TRAF1: variants seen among roughly 807,000 people sequenced by gnomAD.
TRAF1 encodes the protein TNF receptor-associated factor 1.
TRAF1 carries 23 observed loss-of-function variants against 40.9 expected under a neutral mutation model. That is an observed-to-expected ratio of 0.56 (90% CI 0.40 to 0.80). TRAF1 has a LOEUF of 0.80. TRAF1 is among the 30% of genes least tolerant of loss of function. The pLI is 0.00. For missense variants in TRAF1, 477 were observed against 528.7 expected (o/e 0.90, Z 0.96); for synonymous variants, 206 against 218.8 (o/e 0.94, Z 0.52).
At chr9:120,923,896 C>A in intron 2 of TRAF1, 104 bp from the exon 3 acceptor site, 1 of 991,752 alleles carries the variant, frequency 1.0e-6, no homozygotes, top group Non-Finnish European at 1.6e-6. Context: ...GGGTGGTGAT[C>A]ATGTACGTCC....
intron 3 of TRAF1, among the ~76,000 whole-genome samples, chr9:120,916,100 A>G (rs1051616655): frequency 1.3e-5 from 2 of 152,240 alleles, no homozygotes; most frequent in African/African-American, 4.8e-5. Flanking sequence ...TGGTCTATAT[A>G]TACTACAGAA....
At chr9:120,914,324 G>A (rs754634484) in intron 3 of TRAF1, 24 bp from the exon 4 acceptor site, 5 of 1,462,192 alleles carry the variant, frequency 3.4e-6, no homozygotes, top group Non-Finnish European at 4.6e-6. Flanking sequence ...TCACATCACT[G>A]AATGTTATAG....
rs1205693253 is a variant in TRAF1 at position 120,926,557 on chromosome 9, G to C, written c.-234C>G. The C allele has an allele frequency of 6.5e-6, 1 of 152,868 alleles. No individual in the cohort carries two copies. Among genetic ancestry groups the C allele is most frequent in the African/African-American group, 2.4e-5 (1 of 41,458 alleles). 9.5% of individuals were successfully genotyped at this position (152,868 alleles called of 1,614,324 possible). A position where few individuals can be genotyped will look rare whatever the true frequency, so the allele number is the denominator to read the frequency against. ...CTCAGTGGGGGTGCTCACCTTCCTG[G>C]TGGAAATCCCCAGGGTGTTGGAGAC... On this transcript the variant is annotated 5_prime_UTR_variant, in exon 1 of 8. Transcript: ENST00000373887.
intron 3 of TRAF1, among the ~76,000 whole-genome samples, chr9:120,919,781 T>C (rs1414274711): frequency 6.6e-6 from 1 of 152,216 alleles, no homozygotes; most frequent in African/African-American, 2.4e-5. Context: ...TTCCTGTTTT[T>C]CCCATAGCAC....
intron 3 of TRAF1, among the ~76,000 whole-genome samples, chr9:120,920,219 A>G (rs1347255326): frequency 1.3e-5 from 2 of 152,218 alleles, no homozygotes; most frequent in African/African-American, 4.8e-5. Flanking sequence ...CTCCAGGGAT[A>G]GGAGGCTAAG....
chr9:120,909,091 T>A (rs2046505129), intron 7 of TRAF1, 139 bp downstream of exon 7: 2 of 1,093,150 alleles, frequency 1.8e-6, no homozygotes, highest in Non-Finnish European at 2.6e-6. Context: ...TAGATCTGAT[T>A]GTTTTATAAA....
In TRAF1 at chr9:120,909,236, CCGGAAGGGCCA is replaced by C. The variant is rs2046506568; in HGVS notation, c.1015_1025del (p.Trp339GlufsTer14). On this transcript the variant is annotated frameshift_variant, in exon 7 of 8. Transcript: ENST00000373887. LOFTEE classifies it high-confidence loss of function. ...ATCACCTTCACACCCATACCTTGTT[CCGGAAGGGCCA>C]CGGCAGCAGCGCATCATACTCCCCT... The C allele has an allele frequency of 1.2e-6, 2 of 1,613,698 alleles. No homozygotes were observed. Among genetic ancestry groups the C allele is most frequent in the African/African-American group, 2.7e-5 (2 of 74,908 alleles).
Position 120,911,518 on chromosome 9 carries a change from A to G in TRAF1, c.706-5T>C. 1 of 1,606,880 alleles carries G rather than the reference A, an allele frequency of 6.2e-7. No homozygotes were observed. The highest frequency in any genetic ancestry group is 8.5e-7 in the Non-Finnish European group (1 of 1,175,038). On this transcript the variant is annotated splice_region_variant and splice_polypyrimidine_tract_variant and intron_variant, in intron 5 of 7. Coordinates refer to ENST00000373887, the MANE Select transcript of TRAF1 (RefSeq NM_005658.5). ...GGTCTGCTGAAGCTCCACCACCTGT[A>G]GGGAAGACTGTTCAGCCAGGAACAC...
chr9:120,927,319 C>A (rs3761846), upstream of TRAF1: 1 of 152,008 alleles, frequency 6.6e-6, no homozygotes, highest in South Asian at 2.1e-4. Context: ...GGTTTCAGAT[C>A]ATGGGTTTTG....
Position 120,923,758 on chromosome 9 carries a change from C to G in TRAF1, c.175G>C (p.Gly59Arg), listed in dbSNP as rs780464321. Residue 59 changes from glycine (G) to arginine (R), a missense_variant, in exon 3 of 8, where the codon GGG (glycine) becomes CGG (arginine). Transcript: ENST00000373887. ...GEDQICPKCR[G>R]EDLQSISPGS... is the part of the protein sequence containing the mutation. ...GGGCTTATAGACTGGAGGTCTTCCC[C>G]TCTGCATTTGGGGCAGATCTGATCC... 3.3e-5 allele frequency: 53 copies of G among 1,614,164 alleles called. No homozygotes were observed. Among genetic ancestry groups the G allele is most frequent in the Non-Finnish European group, 3.6e-5 (42 of 1,180,030 alleles).
intron 3 of TRAF1, among the ~76,000 whole-genome samples, chr9:120,915,996 A>G (rs2046566735): frequency 1.3e-5 from 2 of 152,250 alleles, no homozygotes; most frequent in Admixed American, 1.3e-4. Flanking sequence ...AAAGTAAAAC[A>G]TATGTCTGCA....
At position 120,905,144 on chromosome 9, in the gene TRAF1, C is replaced by T; in HGVS notation, c.1127G>A (p.Ser376Asn). 1 of 1,614,248 alleles carries T rather than the reference C, an allele frequency of 6.2e-7. No homozygotes were observed. The highest frequency in any genetic ancestry group is 8.5e-7 in the Non-Finnish European group (1 of 1,180,044). Residue 376 changes from serine (S) to asparagine (N), a missense_variant, in exon 8 of 8, where the codon AGT becomes AAT. Coordinates refer to ENST00000373887, the MANE Select transcript of TRAF1 (RefSeq NM_005658.5). ...GCATCCACTGGCCACGTTGGTTTCA[C>T]TCTGGGGCCTCTGGAAGGACGCTGA... Reference protein sequence around the residue: ...LSSASFQRPQSETNVASGCPL... With the variant: ...LSSASFQRPQNETNVASGCPL...
Position 120,909,361 on chromosome 9 carries a change from A to C in TRAF1, c.901T>G (p.Tyr301Asp). The C allele has an allele frequency of 6.2e-7, 1 of 1,614,048 alleles. No individual in the cohort carries two copies. The highest frequency in any genetic ancestry group is 8.5e-7 in the Non-Finnish European group (1 of 1,180,036). ...LFSPAFYTAK[Y>D]GYKLCLRLYL... ...AGCCGCAGGCACAACTTGTAGCCAT[A>C]CTTGGCAGTGTAGAAGGCTGAAACG... The change falls in exon 7 of 8, where the codon TAT becomes GAT. Residue 301 changes from tyrosine to aspartate, a missense_variant. Physicochemically the swap from Tyr to Asp is radical, Grantham distance 160. Transcript: ENST00000373887.
intron 3 of TRAF1, among the ~76,000 whole-genome samples, chr9:120,920,478 C>A (rs1183225594): frequency 6.7e-6 from 1 of 149,992 alleles, no homozygotes; most frequent in Non-Finnish European, 1.5e-5. Flanking sequence ...GAGCTACTGG[C>A]ATCAGTTGTC....
intron 5 of TRAF1, among the ~76,000 whole-genome samples, chr9:120,912,240 G>A (rs896470838): frequency 2.0e-5 from 3 of 152,148 alleles, no homozygotes; most frequent in Non-Finnish European, 4.4e-5. Context: ...TGGTAATTGC[G>A]AATGGTGAGG....
intron 3 of TRAF1, among the ~76,000 whole-genome samples, chr9:120,920,383 ATGAAT>A (rs1308068988): frequency 6.6e-6 from 1 of 152,242 alleles, no homozygotes; most frequent in Non-Finnish European, 1.5e-5. Flanking sequence ...GCCACGTAGC[ATGAAT>A]CCAGTACAGA....
intron 3 of TRAF1, among the ~76,000 whole-genome samples, chr9:120,921,103 T>A (rs904574884): frequency 6.6e-6 from 1 of 152,120 alleles, no homozygotes; most frequent in African/African-American, 2.4e-5. Flanking sequence ...GGGAGGGGGC[T>A]GATGCCTCTC....
At chr9:120,916,374 G>A (rs1319591588) in intron 3 of TRAF1, among the ~76,000 whole-genome samples, 3 of 152,014 alleles carry the variant, frequency 2.0e-5, no homozygotes, top group South Asian at 2.1e-4. Context: ...CTGTAGTGGC[G>A]GTTACATGAT....
At chr9:120,907,321 T>G (rs1475291223) in intron 7 of TRAF1, among the ~76,000 whole-genome samples, 1 of 152,256 alleles carries the variant, frequency 6.6e-6, no homozygotes, top group Non-Finnish European at 1.5e-5. Flanking sequence ...CTGAATAATA[T>G]TCCACTGTCT....
Sources: gnomAD v4.1 joint callset for allele counts (sites outside exome capture counted in the v4.1 genomes callset) on GRCh38, gnomAD v4.1.1 for gene constraint, MANE v1.5 for transcripts, NCBI Gene and HGNC (gene_info 2026-07-23, HGNC 2026-07-21) for gene names.